The following DMXL1 variants were observed in gnomAD, a reference collection of about 807,000 sequenced individuals.
DMXL1 encodes the protein dmX-like protein 1.
In DMXL1, 99 loss-of-function variants were observed where a neutral mutation model predicts 319.2. The ratio of observed to expected loss-of-function variants is 0.31; its 90% CI spans 0.26 to 0.37. The LOEUF is 0.37. DMXL1 is among the 10% of genes least tolerant of loss of function. DMXL1 has a pLI of 1.00. For missense variants in DMXL1, 3,745 were observed against 3,595.6 expected (o/e 1.04, Z -1.06); for synonymous variants, 1,385 against 1,235.2 (o/e 1.12, Z -2.54).
chr5:119,217,005 C>T lies in DMXL1; in HGVS notation c.8013+18C>T. ...TTAATAAGGTAAGTACATAGACATT[C>T]TTCTTTTGTTTATTAAGTATTTATA... is the stretch of plus-strand genomic sequence containing the variant. On this transcript the variant is annotated intron_variant, in intron 35 of 43. Transcript: ENST00000539542. 1 of 1,345,420 alleles carries T rather than the reference C, an allele frequency of 7.4e-7. No homozygotes were observed. Among genetic ancestry groups the T allele is most frequent in the East Asian group, 2.6e-5 (1 of 38,950 alleles). The allele number at this position is 1,345,420 out of a possible 1,614,324, so 83.3% of individuals were successfully genotyped here.
At chr5:119,220,883 G>A in intron 36 of DMXL1, 57 bp from the exon 37 acceptor site, 2 of 1,575,994 alleles carry the variant, frequency 1.3e-6, no homozygotes, top group South Asian at 1.2e-5. Flanking sequence ...GACCTTTCAA[G>A]TGTAAAAAAG....
chr5:119,142,351 C>G (rs1242606032), intron 13 of DMXL1, among the ~76,000 whole-genome samples: 1 of 151,832 alleles, frequency 6.6e-6, no homozygotes, highest in Non-Finnish European at 1.5e-5. Flanking sequence ...AAGAGAAAAA[C>G]AGCTCCATCA....
Position 119,139,849 on chromosome 5 carries a change from C to G in DMXL1, c.2377-3992C>G, listed in dbSNP as rs190672678. Among the ~76,000 whole-genome samples, 140 of 152,250 alleles carry G rather than the reference C, an allele frequency of 9.2e-4. 1 individual carries two copies. Among genetic ancestry groups the G allele is most frequent in the African/African-American group, 3.3e-3 (136 of 41,572 alleles). On this transcript the variant is annotated intron_variant, in intron 13 of 43. Coordinates refer to ENST00000539542, the MANE Select transcript of DMXL1 (RefSeq NM_001290321.3). ...TCCTCTCATTGCCACGTCACATACT[C>G]TAAATTGGACCACATAATTGGACAT...
At chr5:119,130,090 G>GTT (rs928792817) in intron 10 of DMXL1, among the ~76,000 whole-genome samples, 1 of 147,644 alleles carries the variant, frequency 6.8e-6, no homozygotes. Flanking sequence ...AATGTGTTTG[G>GTT]TTTTTTTTTT....
intron 39 of DMXL1, among the ~76,000 whole-genome samples, chr5:119,235,481 G>C (rs1330938659): frequency 6.6e-6 from 1 of 151,774 alleles, no homozygotes; most frequent in Non-Finnish European, 1.5e-5. Flanking sequence ...CACAAATTAA[G>C]AAACTATCCC....
At chr5:119,240,605 G>A in intron 42 of DMXL1, 134 bp downstream of exon 42, 1 of 634,056 alleles carries the variant, frequency 1.6e-6, no homozygotes, top group South Asian at 2.3e-5. Flanking sequence ...AGGATGGCAG[G>A]ATTTGAAAGC....
At chr5:119,089,228 CTT>C (rs2149729221) in intron 1 of DMXL1, among the ~76,000 whole-genome samples, 1 of 123,196 alleles carries the variant, frequency 8.1e-6, no homozygotes, top group South Asian at 2.8e-4. Context: ...CTTGATGAAT[CTT>C]TTGCCAGACA....
At chr5:119,147,005 AC>A in intron 16 of DMXL1, 49 bp downstream of exon 16, 1 of 1,582,364 alleles carries the variant, frequency 6.3e-7, no homozygotes, top group Non-Finnish European at 8.6e-7. Context: ...GTGTAAGTTA[AC>A]AAATTACACA....
intron 1 of DMXL1, among the ~76,000 whole-genome samples, chr5:119,091,898 C>T (rs1383778197): frequency 1.3e-5 from 2 of 152,186 alleles, no homozygotes; most frequent in African/African-American, 4.8e-5. Context: ...GATAATAATA[C>T]TGCCTGCCCT....
chr5:119,086,272 C>A (rs1753344374), intron 1 of DMXL1, among the ~76,000 whole-genome samples: 1 of 152,154 alleles, frequency 6.6e-6, no homozygotes, highest in Admixed American at 6.5e-5. Context: ...AATTATCTCC[C>A]ACCTGGTCCC....
intron 3 of DMXL1, among the ~76,000 whole-genome samples, chr5:119,102,719 C>T (rs1350678970): frequency 6.6e-6 from 1 of 152,036 alleles, no homozygotes. Flanking sequence ...CGTTTGAGCC[C>T]AAAAATTTGA....
At chr5:119,159,003 C>G (rs992486475) in intron 19 of DMXL1, among the ~76,000 whole-genome samples, 1 of 152,078 alleles carries the variant, frequency 6.6e-6, no homozygotes, top group Non-Finnish European at 1.5e-5. Context: ...AAAAGAGGAA[C>G]TTTTCTTTCC....
intron 28 of DMXL1, among the ~76,000 whole-genome samples, chr5:119,179,139 T>G (rs1431296689): frequency 6.6e-6 from 1 of 152,206 alleles, no homozygotes; most frequent in Non-Finnish European, 1.5e-5. Context: ...TTAAAAACTT[T>G]CTAATGTTAA....
chr5:119,172,008 C>T (rs780927740), intron 25 of DMXL1, 39 bp downstream of exon 25: 3 of 1,518,298 alleles, frequency 2.0e-6, no homozygotes, highest in Non-Finnish European at 2.7e-6. Context: ...TTCATCTGTA[C>T]AATGATAAAA....
At chr5:119,238,389 TGAA>T (rs1035768548) in intron 40 of DMXL1, among the ~76,000 whole-genome samples, 31 of 152,132 alleles carry the variant, frequency 2.0e-4, no homozygotes, top group Non-Finnish European at 2.8e-4. Flanking sequence ...CTTTTATAAA[TGAA>T]GAAACCTCAT....
chr5:119,134,655 AC>A (rs1239597881), intron 13 of DMXL1, among the ~76,000 whole-genome samples: 21 of 152,216 alleles, frequency 1.4e-4, no homozygotes, highest in Non-Finnish European at 2.6e-4. Context: ...AATGAGGACT[AC>A]TGACAGTATA....
At chr5:119,164,727 C>G in intron 20 of DMXL1, 51 bp downstream of exon 20, 1 of 1,488,902 alleles carries the variant, frequency 6.7e-7, no homozygotes, top group Admixed American at 1.9e-5. Flanking sequence ...TTGGACGTTT[C>G]TTTAAATGGC....
chr5:119,123,335 G>A (rs989386505), intron 9 of DMXL1, among the ~76,000 whole-genome samples: 1 of 120,856 alleles, frequency 8.3e-6, no homozygotes, highest in Admixed American at 7.9e-5. Flanking sequence ...AGAGGGAGAG[G>A]AGGGAGAGGG....
At chr5:119,071,042 A>G (rs1023343115), upstream of DMXL1, among the ~76,000 whole-genome samples, 10 of 152,346 alleles carry the variant, frequency 6.6e-5, no homozygotes, top group Non-Finnish European at 5.9e-5. Flanking sequence ...CCACAGTAGC[A>G]GCTGCCCCGA....
Sources: allele counts gnomAD v4.1 joint callset (sites outside exome capture counted in the v4.1 genomes callset), GRCh38; gene constraint gnomAD v4.1.1; transcripts MANE v1.5; gene names NCBI Gene and HGNC (gene_info 2026-07-23, HGNC 2026-07-21).